Variants in CLEC16A observed in about 807,000 individuals in gnomAD.
CLEC16A encodes protein CLEC16A.
Under a neutral mutation model 109.5 loss-of-function variants are expected in CLEC16A, and 51 were observed. The observed-to-expected ratio is 0.47, with a 90% CI of 0.37 to 0.59. CLEC16A has a LOEUF of 0.59. Among genes scored for constraint, CLEC16A ranks in the 20% least tolerant of loss-of-function variants. CLEC16A has a pLI of 0.00. For synonymous variants in CLEC16A, 673 were observed against 564.2 expected, an observed-to-expected ratio of 1.19 and a Z score of -2.73; for missense variants, 1,339 against 1,394.0, an observed-to-expected ratio of 0.96 and a Z score of 0.63.
intron 22 of CLEC16A, chr16:11,126,893 C>T (rs947179635): frequency 2.0e-5 from 3 of 152,212 alleles, no homozygotes; most frequent in African/African-American, 7.2e-5. Flanking sequence ...ACTTAAGTTG[C>T]AAGTGTTGTG....
chr16:11,041,902 C>G (rs1369365234), intron 14 of CLEC16A: 1 of 208,172 alleles, frequency 4.8e-6, no homozygotes, highest in East Asian at 1.3e-4. Context: ...TCAGCTCCAC[C>G]CAAATCACAT....
At chr16:11,075,858 G>A (rs989600580) in intron 19 of CLEC16A, among the ~76,000 whole-genome samples, 19 of 152,254 alleles carry the variant, frequency 1.2e-4, no homozygotes, top group East Asian at 1.9e-4. Flanking sequence ...CCCAGTTGAC[G>A]AGGGCTGGCA....
intron 19 of CLEC16A, among the ~76,000 whole-genome samples, chr16:11,072,425 A>G (rs1432527897): frequency 6.6e-6 from 1 of 152,142 alleles, no homozygotes; most frequent in African/African-American, 2.4e-5. Context: ...GGCCTATTCT[A>G]TTCTTTAAAC....
chr16:10,980,910 GC>G (rs376794065), intron 9 of CLEC16A, among the ~76,000 whole-genome samples: 9 of 152,280 alleles, frequency 5.9e-5, no homozygotes, highest in African/African-American at 1.9e-4. Flanking sequence ...TACAAGCATA[GC>G]TAGAAAACCA....
intron 22 of CLEC16A, among the ~76,000 whole-genome samples, chr16:11,132,547 T>C (rs2053286928): frequency 6.6e-6 from 1 of 152,168 alleles, no homozygotes; most frequent in Admixed American, 6.5e-5. Context: ...TTTGAACGCC[T>C]GTTTTGTTTT....
intron 22 of CLEC16A, among the ~76,000 whole-genome samples, chr16:11,140,505 A>T (rs1264909515): frequency 9.2e-5 from 14 of 152,200 alleles, no homozygotes; most frequent in Admixed American, 9.2e-4. Context: ...CTAGCATCTC[A>T]AAGCAGTGCT....
At chr16:11,053,532 G>A (rs1274116727) in intron 18 of CLEC16A, among the ~76,000 whole-genome samples, 4 of 151,910 alleles carry the variant, frequency 2.6e-5, no homozygotes, top group African/African-American at 7.3e-5. Context: ...CACCACACTC[G>A]GCTAATTTTT....
At chr16:11,082,133 C>A (rs751372963) in intron 19 of CLEC16A, among the ~76,000 whole-genome samples, 8 of 152,234 alleles carry the variant, frequency 5.3e-5, no homozygotes, top group Non-Finnish European at 7.3e-5. Flanking sequence ...GTGCATGTCT[C>A]CCTTGATTTT....
chr16:11,063,525 A>G (rs2048603122), intron 19 of CLEC16A, among the ~76,000 whole-genome samples: 1 of 152,058 alleles, frequency 6.6e-6, no homozygotes. Context: ...CTCACCATTT[A>G]CCTGACTCCA....
At chr16:11,159,794 C>G (rs553233902) in intron 22 of CLEC16A, among the ~76,000 whole-genome samples, 15 of 152,266 alleles carry the variant, frequency 9.9e-5, no homozygotes, top group African/African-American at 3.6e-4. Flanking sequence ...AGCTTGAAGT[C>G]TTTCTGATAT....
At chr16:10,986,759 G>T (rs2146900174) in intron 10 of CLEC16A, among the ~76,000 whole-genome samples, 1 of 146,708 alleles carries the variant, frequency 6.8e-6, no homozygotes, top group African/African-American at 2.6e-5. Context: ...GTGTGTGTGT[G>T]TGTACCAAGA....
chr16:10,999,628 C>T (rs1008085444), intron 10 of CLEC16A, among the ~76,000 whole-genome samples: 2 of 152,170 alleles, frequency 1.3e-5, no homozygotes, highest in Admixed American at 6.5e-5. Context: ...ACTGGAAGGT[C>T]GTGTTATAAA....
At chr16:11,146,082 TG>T in intron 22 of CLEC16A, among the ~76,000 whole-genome samples, 1 of 152,314 alleles carries the variant, frequency 6.6e-6, no homozygotes, top group African/African-American at 2.4e-5. Context: ...GAAGTCGCCC[TG>T]GGTACCTATG....
chr16:10,993,219 A>AAATAC (rs1236124825), intron 10 of CLEC16A, among the ~76,000 whole-genome samples: 2 of 152,082 alleles, frequency 1.3e-5, no homozygotes, highest in African/African-American at 4.8e-5. Flanking sequence ...CTCTTCAAAA[A>AAATAC]AATACAAAAA....
intron 19 of CLEC16A, among the ~76,000 whole-genome samples, chr16:11,083,304 A>G (rs1221283116): frequency 6.6e-6 from 1 of 152,116 alleles, no homozygotes; most frequent in Admixed American, 6.5e-5. Flanking sequence ...CTGGGCCTAT[A>G]GGTGGACACC....
At chr16:10,997,076 C>T (rs1253174003) in intron 10 of CLEC16A, among the ~76,000 whole-genome samples, 1 of 152,218 alleles carries the variant, frequency 6.6e-6, no homozygotes, top group Non-Finnish European at 1.5e-5. Context: ...ATCTTCCTGC[C>T]TCAGCCTCCC....
chr16:11,125,915 AAATTCT>A, intron 21 of CLEC16A, 58 bp from the exon 22 acceptor site: 1 of 124,586 alleles, frequency 8.0e-6, no homozygotes. Flanking sequence ...CCCCCCCCCC[AAATTCT>A]CACCACCCCC....
chr16:11,168,939 C>T (rs978978739), intron 23 of CLEC16A, among the ~76,000 whole-genome samples: 1 of 152,138 alleles, frequency 6.6e-6, no homozygotes, highest in African/African-American at 2.4e-5. Flanking sequence ...GCTCGCTCAC[C>T]CAACTTTCCA....
intron 22 of CLEC16A, among the ~76,000 whole-genome samples, chr16:11,152,880 C>G (rs1320450583): frequency 6.6e-6 from 1 of 152,060 alleles, no homozygotes. Flanking sequence ...CGTTCGGGCG[C>G]CAGGGGTCAT....
Sources: gnomAD v4.1 joint callset for allele counts (sites outside exome capture counted in the v4.1 genomes callset) on GRCh38, gnomAD v4.1.1 for gene constraint, MANE v1.5 for transcripts, NCBI Gene and HGNC (gene_info 2026-07-23, HGNC 2026-07-21) for gene names.